Variants in CCSER1 observed in about 807,000 individuals in gnomAD.
CCSER1 encodes coiled-coil serine rich protein 1, also known as serine-rich coiled-coil domain-containing protein 1.
In CCSER1, 41 loss-of-function variants were observed where a neutral mutation model predicts 82.0. The ratio of observed to expected loss-of-function variants is 0.50; its 90% CI spans 0.39 to 0.65. CCSER1 has a LOEUF of 0.65. Among genes scored for constraint, CCSER1 ranks in the 30% least tolerant of loss-of-function variants. CCSER1 has a pLI of 0.00. For synonymous variants in CCSER1, 414 were observed against 383.9 expected (o/e 1.08, Z -0.92); for missense variants, 1,119 against 1,064.2 (o/e 1.05, Z -0.72).
chr4:91,099,912 G>A (rs374078896), intron 10 of CCSER1, among the ~76,000 whole-genome samples: 213 of 152,064 alleles, frequency 1.4e-3, no homozygotes, highest in African/African-American at 5.0e-3. Flanking sequence ...GCTTGGGAGG[G>A]CCAGGAAGAA....
chr4:90,171,312 G>T (rs1241443166), intron 1 of CCSER1, among the ~76,000 whole-genome samples: 1 of 151,744 alleles, frequency 6.6e-6, no homozygotes, highest in Non-Finnish European at 1.5e-5. Flanking sequence ...TCTTAAAAAT[G>T]TTATTAAGAC....
chr4:91,340,154 G>A (rs1747616286), intron 10 of CCSER1, among the ~76,000 whole-genome samples: 1 of 152,074 alleles, frequency 6.6e-6, no homozygotes, highest in Non-Finnish European at 1.5e-5. Context: ...GTTTGCCACA[G>A]TAAGAGATTA....
At chr4:90,557,236 T>C (rs2036154) in intron 5 of CCSER1, among the ~76,000 whole-genome samples, 29,541 of 151,898 alleles carry the variant, frequency 0.19, 3,338 homozygotes, top group African/African-American at 0.3. Flanking sequence ...TGTATTCCAT[T>C]TGGAATATCA....
intron 6 of CCSER1, among the ~76,000 whole-genome samples, chr4:90,653,433 C>A (rs1729142820): frequency 6.7e-6 from 1 of 150,232 alleles, no homozygotes; most frequent in East Asian, 1.9e-4. Context: ...GCTAGAAATA[C>A]AAATTGAAAA....
At chr4:90,910,852 G>A (rs1726223096) in intron 8 of CCSER1, among the ~76,000 whole-genome samples, 1 of 151,946 alleles carries the variant, frequency 6.6e-6, no homozygotes, top group Non-Finnish European at 1.5e-5. Context: ...CCCAAAAACT[G>A]AAAGCATCTC....
At position 90,573,701 on chromosome 4, in the gene CCSER1, C is replaced by T. The variant is rs544840399; in HGVS notation, c.1725-54324C>T. On this transcript the variant is annotated intron_variant, in intron 5 of 10. Transcript: ENST00000509176. ...AAGTTGCTGGAGGGTCCTACTTCAC[C>T]CCTCCCCCTCATATTTTTAATTTTA... 2.3e-4 allele frequency among the ~76,000 whole-genome samples: 35 copies of T among 152,064 alleles called. No homozygotes were observed. In the South Asian group the frequency reaches 4.1e-3, roughly 18 times the overall value.
chr4:90,151,769 A>C (rs1305506673), intron 1 of CCSER1, among the ~76,000 whole-genome samples: 1 of 152,226 alleles, frequency 6.6e-6, no homozygotes, highest in South Asian at 2.1e-4. Context: ...ATTTAGTATT[A>C]AACAATTATT....
At chr4:91,595,943 TAA>T (rs1170927227) in intron 10 of CCSER1, among the ~76,000 whole-genome samples, 12,141 of 78,956 alleles carry the variant, frequency 0.15, 696 homozygotes, top group Middle Eastern at 0.2. Flanking sequence ...ACAGAGAACT[TAA>T]AAAAAAAAAA....
intron 1 of CCSER1, among the ~76,000 whole-genome samples, chr4:90,226,353 C>T (rs1743157639): frequency 6.6e-6 from 1 of 152,194 alleles, no homozygotes; most frequent in South Asian, 2.1e-4. Flanking sequence ...TACTTCATCT[C>T]CATATACTGA....
At chr4:91,100,371 T>TATC (rs1385650242) in intron 10 of CCSER1, among the ~76,000 whole-genome samples, 2 of 66,902 alleles carry the variant, frequency 3.0e-5, no homozygotes, top group Non-Finnish European at 7.9e-5. Flanking sequence ...CAACAGTTAC[T>TATC]ATTATTATTA....
At chr4:90,506,563 G>T (rs1770713495) in intron 5 of CCSER1, among the ~76,000 whole-genome samples, 1 of 151,988 alleles carries the variant, frequency 6.6e-6, no homozygotes, top group Non-Finnish European at 1.5e-5. Flanking sequence ...AGGAGTTCGA[G>T]ACCAGCCTAG....
chr4:90,508,868 TATCTC>T (rs1350415698), intron 5 of CCSER1, among the ~76,000 whole-genome samples: 2 of 152,076 alleles, frequency 1.3e-5, no homozygotes, highest in African/African-American at 4.8e-5. Context: ...TTGATTGTCT[TATCTC>T]AAATACTATA....
intron 9 of CCSER1, among the ~76,000 whole-genome samples, chr4:90,928,868 A>G (rs1314943189): frequency 6.6e-6 from 1 of 152,140 alleles, no homozygotes; most frequent in African/African-American, 2.4e-5. Flanking sequence ...ATTATATTCT[A>G]GATTATAAAA....
At chr4:90,863,598 T>C (rs1334627624) in intron 8 of CCSER1, among the ~76,000 whole-genome samples, 1 of 151,902 alleles carries the variant, frequency 6.6e-6, no homozygotes. Context: ...TTTAACAATG[T>C]AGTAAAATTG....
At chr4:91,279,027 G>T (rs1169775982) in intron 10 of CCSER1, among the ~76,000 whole-genome samples, 1 of 151,136 alleles carries the variant, frequency 6.6e-6, no homozygotes, top group African/African-American at 2.4e-5. Flanking sequence ...GGATAAATTT[G>T]CTGTATAGCA....
intron 10 of CCSER1, among the ~76,000 whole-genome samples, chr4:91,089,432 G>T (rs1487645461): frequency 6.6e-6 from 1 of 152,190 alleles, no homozygotes; most frequent in African/African-American, 2.4e-5. Context: ...CTTAAAGCAG[G>T]TACTGAATAT....
chr4:90,242,427 A>G (rs570416379), intron 1 of CCSER1, among the ~76,000 whole-genome samples: 34 of 152,260 alleles, frequency 2.2e-4, no homozygotes, highest in African/African-American at 7.7e-4. Context: ...GATATTTTTT[A>G]TACTATAGTA....
chr4:91,474,396 C>T (rs1578556190), intron 10 of CCSER1, among the ~76,000 whole-genome samples: 1 of 151,566 alleles, frequency 6.6e-6, no homozygotes, highest in East Asian at 1.9e-4. Context: ...TATATAATCA[C>T]ACATTTAATA....
chr4:91,494,992 G>A (rs955458755), intron 10 of CCSER1, among the ~76,000 whole-genome samples: 5 of 151,638 alleles, frequency 3.3e-5, no homozygotes, highest in African/African-American at 7.3e-5. Context: ...ACATTGCTAC[G>A]TGGTGTTTTG....
Sources: allele counts gnomAD v4.1 joint callset (sites outside exome capture counted in the v4.1 genomes callset), GRCh38; gene constraint gnomAD v4.1.1; transcripts MANE v1.5; gene names NCBI Gene and HGNC (gene_info 2026-07-23, HGNC 2026-07-21).